The following SLC2A9 variants were observed in gnomAD, a reference collection of about 807,000 sequenced individuals.
SLC2A9 encodes solute carrier family 2, facilitated glucose transporter member 9.
SLC2A9 carries 39 observed loss-of-function variants against 50.6 expected under a neutral mutation model. The ratio of observed to expected loss-of-function variants is 0.77; its 90% CI spans 0.60 to 1.01. SLC2A9 has a LOEUF of 1.01. SLC2A9 is among the 50% of genes least tolerant of loss of function. SLC2A9 has a pLI of 0.00. For missense variants in SLC2A9, 686 were observed against 677.6 expected (o/e 1.01, Z -0.14); for synonymous variants, 324 against 276.9 (o/e 1.17, Z -1.69).
At chr4:10,012,064 A>G (rs1305709523) in intron 2 of SLC2A9, among the ~76,000 whole-genome samples, 2 of 152,234 alleles carry the variant, frequency 1.3e-5, no homozygotes, top group Non-Finnish European at 2.9e-5. Flanking sequence ...ATCATCTATA[A>G]CTGCTTTATC....
intron 10 of SLC2A9, among the ~76,000 whole-genome samples, chr4:9,887,178 A>C (rs942233441): frequency 6.6e-6 from 1 of 152,218 alleles, no homozygotes; most frequent in Non-Finnish European, 1.5e-5. Flanking sequence ...AAAATCAATG[A>C]ACAATATGTC....
chr4:9,954,470 G>A (rs1750853140), intron 5 of SLC2A9, among the ~76,000 whole-genome samples: 2 of 152,230 alleles, frequency 1.3e-5, no homozygotes, highest in African/African-American at 4.8e-5. Flanking sequence ...CTAACTTCAC[G>A]ACGGAGTTAC....
chr4:9,832,503 A>T (rs530110446), intron 11 of SLC2A9, among the ~76,000 whole-genome samples: 3 of 152,278 alleles, frequency 2.0e-5, no homozygotes, highest in African/African-American at 7.2e-5. Flanking sequence ...AGGTTCATCA[A>T]TAGTCACACC....
At chr4:9,982,471 C>A (rs938373655) in intron 4 of SLC2A9, among the ~76,000 whole-genome samples, 4 of 152,140 alleles carry the variant, frequency 2.6e-5, no homozygotes, top group Non-Finnish European at 4.4e-5. Flanking sequence ...TTTGTTCTAT[C>A]TCTGTGGTTT....
intron 1 of SLC2A9, among the ~76,000 whole-genome samples, chr4:10,020,744 C>T (rs1763405127): frequency 6.6e-6 from 1 of 152,210 alleles, no homozygotes; most frequent in South Asian, 2.1e-4. Context: ...CCTTAGAGGA[C>T]ACAAACTCCT....
intron 7 of SLC2A9, among the ~76,000 whole-genome samples, chr4:9,919,081 C>T (rs1171425067): frequency 6.6e-6 from 1 of 152,152 alleles, no homozygotes; most frequent in Non-Finnish European, 1.5e-5. Flanking sequence ...GCCTCATTCA[C>T]TACAGGTTCC....
intron 3 of SLC2A9, among the ~76,000 whole-genome samples, chr4:9,991,051 G>C (rs1350655510): frequency 6.6e-6 from 1 of 152,228 alleles, no homozygotes; most frequent in Non-Finnish European, 1.5e-5. Context: ...CCTGCAGCGA[G>C]TGACAGATGA....
chr4:9,823,883 A>G (rs1724739872), downstream of SLC2A9, among the ~76,000 whole-genome samples: 1 of 152,218 alleles, frequency 6.6e-6, no homozygotes, highest in Non-Finnish European at 1.5e-5. Context: ...TAAGCAAGAA[A>G]TGTACAGAGC....
At chr4:9,963,577 T>C (rs576416436) in intron 5 of SLC2A9, among the ~76,000 whole-genome samples, 16 of 152,026 alleles carry the variant, frequency 1.1e-4, no homozygotes, top group South Asian at 1.0e-3. Flanking sequence ...AGGAGTACTG[T>C]TTGTGGGAGG....
chr4:10,029,565 A>AT (rs11396953), intron 1 of SLC2A9, among the ~76,000 whole-genome samples: 49,466 of 110,002 alleles, frequency 0.45, 10,081 homozygotes, highest in African/African-American at 0.61. Context: ...ATTTTATTTT[A>AT]TTTATTTTAT....
intron 1 of SLC2A9, among the ~76,000 whole-genome samples, chr4:10,033,357 G>A (rs1326327203): frequency 6.6e-6 from 1 of 152,106 alleles, no homozygotes; most frequent in Admixed American, 6.6e-5. Context: ...TGACTCAGAT[G>A]GCTTCCCGGC....
intron 8 of SLC2A9, among the ~76,000 whole-genome samples, chr4:9,901,515 A>G (rs1436557478): frequency 6.6e-6 from 1 of 152,208 alleles, no homozygotes; most frequent in Non-Finnish European, 1.5e-5. Flanking sequence ...TACAGCAGTC[A>G]GAGGGATTTA....
At chr4:9,789,210 A>G (rs1719597000) in intron 3 of SLC2A9, among the ~76,000 whole-genome samples, 1 of 152,220 alleles carries the variant, frequency 6.6e-6, no homozygotes, top group South Asian at 2.1e-4. Flanking sequence ...CCTGGAAGTC[A>G]AAGAGATTAA....
Position 9,920,590 on chromosome 4 carries a change from C to T in SLC2A9, c.815-18G>A, listed in dbSNP as rs186962509. 515 of 1,613,974 alleles carry T rather than the reference C, an allele frequency of 3.2e-4. 2 individuals are homozygous for T. The African/African-American group carries it at 6.2e-3, about 19-fold the overall frequency. ...TTGGAAGGCTGCAAACAGAGGCACA[C>T]ATGGACTTTCAGCAGGGATTAGAGT... On this transcript the variant is annotated intron_variant, in intron 6 of 11. Coordinates refer to ENST00000264784, the MANE Select transcript of SLC2A9 (RefSeq NM_020041.3).
intron 10 of SLC2A9, among the ~76,000 whole-genome samples, chr4:9,875,330 A>G (rs992368239): frequency 6.9e-5 from 10 of 145,938 alleles, no homozygotes; most frequent in Admixed American, 3.4e-4. Flanking sequence ...GCCATAGGTT[A>G]CTCTCTGTCT....
At chr4:9,994,785 T>G (rs916887710) in intron 3 of SLC2A9, among the ~76,000 whole-genome samples, 1 of 151,980 alleles carries the variant, frequency 6.6e-6, no homozygotes, top group Non-Finnish European at 1.5e-5. Flanking sequence ...CAGAGCCTCC[T>G]TGAGGAGCAG....
At chr4:9,889,582 A>G (rs1448547050) in intron 9 of SLC2A9, among the ~76,000 whole-genome samples, 1 of 152,312 alleles carries the variant, frequency 6.6e-6, no homozygotes, top group East Asian at 1.9e-4. Flanking sequence ...CCTGCCGGTC[A>G]GCGTGCTTGC....
At chr4:9,952,455 G>C (rs1340939316) in intron 5 of SLC2A9, among the ~76,000 whole-genome samples, 1 of 151,984 alleles carries the variant, frequency 6.6e-6, no homozygotes, top group Non-Finnish European at 1.5e-5. Flanking sequence ...AGGTGCCAGT[G>C]CCATGCATGT....
At chr4:10,020,708 G>A (rs897633147) in intron 1 of SLC2A9, among the ~76,000 whole-genome samples, 45 of 152,174 alleles carry the variant, frequency 3.0e-4, no homozygotes, top group African/African-American at 1.1e-3. Context: ...TGTGCTCTGT[G>A]CCTTCTTTGC....
Sources: gnomAD v4.1 joint callset for allele counts (sites outside exome capture counted in the v4.1 genomes callset) on GRCh38, gnomAD v4.1.1 for gene constraint, MANE v1.5 for transcripts, NCBI Gene and HGNC (gene_info 2026-07-23, HGNC 2026-07-21) for gene names.